Variants in DNAH8 observed in about 807,000 individuals in gnomAD.
DNAH8 encodes axonemal beta dynein heavy chain 8.
A neutral mutation model predicts 562.1 loss-of-function variants in DNAH8; 382 were observed. The ratio of observed to expected loss-of-function variants is 0.68; its 90% confidence interval spans 0.63 to 0.74. DNAH8 has a LOEUF of 0.74. Ranked by LOEUF, DNAH8 falls within the 30% of genes least tolerant of loss-of-function variation. The pLI is 0.00. For missense variants in DNAH8, 5,203 were observed against 5,620.4 expected, an observed-to-expected ratio of 0.93 and a Z score of 2.37; for synonymous variants, 1,881 against 1,919.4, an observed-to-expected ratio of 0.98 and a Z score of 0.52.
intron 62 of DNAH8, among the ~76,000 whole-genome samples, chr6:38,903,209 TA>T: frequency 6.6e-6 from 1 of 152,308 alleles, no homozygotes; most frequent in East Asian, 1.9e-4. Context: ...GTAATTTATT[TA>T]AAAACAGGTT....
At chr6:38,897,215 A>C (rs1228063800) in intron 60 of DNAH8, among the ~76,000 whole-genome samples, 1 of 152,192 alleles carries the variant, frequency 6.6e-6, no homozygotes, top group Non-Finnish European at 1.5e-5. Flanking sequence ...GCAAAAGAAT[A>C]ATATTGTGTG....
intron 5 of DNAH8, among the ~76,000 whole-genome samples, chr6:38,736,815 C>T (rs1347450083): frequency 6.6e-6 from 1 of 152,082 alleles, no homozygotes; most frequent in Non-Finnish European, 1.5e-5. Flanking sequence ...GGCTATTGTT[C>T]CTTTCCTATG....
chr6:38,747,486 A>G (rs752698553), intron 8 of DNAH8, among the ~76,000 whole-genome samples: 6 of 150,724 alleles, frequency 4.0e-5, no homozygotes, highest in Non-Finnish European at 8.8e-5. Context: ...TCCCAGGTTC[A>G]AGCAATTCTC....
intron 8 of DNAH8, among the ~76,000 whole-genome samples, chr6:38,746,014 C>T (rs1377328768): frequency 6.6e-6 from 1 of 152,146 alleles, no homozygotes; most frequent in African/African-American, 2.4e-5. Flanking sequence ...GGAAAATAAC[C>T]TTAAACTACA....
intron 44 of DNAH8, among the ~76,000 whole-genome samples, chr6:38,862,828 G>A (rs559681901): frequency 9.9e-5 from 15 of 152,164 alleles, no homozygotes; most frequent in African/African-American, 3.4e-4. Context: ...AAATAAGAAG[G>A]GGGTGGCCAT....
intron 56 of DNAH8, among the ~76,000 whole-genome samples, chr6:38,885,694 C>G (rs538763034): frequency 2.0e-5 from 3 of 152,156 alleles, no homozygotes; most frequent in Non-Finnish European, 4.4e-5. Context: ...TTGCAGTTTC[C>G]TCTGCCTAGA....
rs763358085 is a variant in DNAH8, at chr6:38,870,576, A to G, written c.6990+14A>G. 19 of 1,607,058 alleles carry G rather than the reference A, an allele frequency of 1.2e-5. No individual in the cohort carries two copies. In the East Asian group the frequency reaches 4.3e-4, roughly 36 times the overall value. ...AAACTCGTGCAGGTAAAGACATTTT[A>G]ATCTATTATTAGTATAATGATAAGT... is the stretch of plus-strand genomic sequence containing the variant. On this transcript the variant is annotated intron_variant, in intron 49 of 92. Coordinates refer to ENST00000327475, the MANE Select transcript of DNAH8 (RefSeq NM_001206927.2).
intron 79 of DNAH8, among the ~76,000 whole-genome samples, chr6:38,941,225 G>A (rs1783432497): frequency 6.6e-6 from 1 of 152,094 alleles, no homozygotes; most frequent in Non-Finnish European, 1.5e-5. Flanking sequence ...GCTAATCTAG[G>A]GAAAAAATGT....
intron 33 of DNAH8, among the ~76,000 whole-genome samples, chr6:38,838,456 T>C (rs1423392889): frequency 6.6e-6 from 1 of 151,282 alleles, no homozygotes; most frequent in South Asian, 2.1e-4. Flanking sequence ...TGGAGTGCAG[T>C]GGCGCAATCT....
At chr6:38,757,795 T>C (rs948720138) in intron 10 of DNAH8, among the ~76,000 whole-genome samples, 6 of 152,242 alleles carry the variant, frequency 3.9e-5, no homozygotes, top group Non-Finnish European at 7.3e-5. Flanking sequence ...TCCCCATTTC[T>C]TGTTTTTGTC....
At position 38,775,837 on chromosome 6, in the gene DNAH8, A is replaced by T; in HGVS notation, c.1848A>T (p.Lys616Asn). Residue 616 changes from lysine (K) to asparagine (N), a missense_variant, in exon 13 of 93, where the codon AAA becomes AAT. Coordinates refer to ENST00000327475, the MANE Select transcript of DNAH8 (RefSeq NM_001206927.2). ...TIEGIDIMAIKFRNIYQGVKK... is the reference protein window; with the variant it reads ...TIEGIDIMAINFRNIYQGVKK... Reference sequence around the variant, plus strand: ...AAGGAATAGATATTATGGCAATAAAATTCAGAAATATATACCAAGGGGTTA... The same window carrying T: ...AAGGAATAGATATTATGGCAATAAATTTCAGAAATATATACCAAGGGGTTA... The T allele has an allele frequency of 6.2e-7, 1 of 1,605,824 alleles. No individual in the cohort carries two copies. The highest frequency in any genetic ancestry group is 8.5e-7 in the Non-Finnish European group (1 of 1,172,700).
intron 40 of DNAH8, among the ~76,000 whole-genome samples, 193 bp downstream of exon 40, chr6:38,852,991 G>A (rs1267239233): frequency 1.3e-5 from 2 of 152,130 alleles, no homozygotes; most frequent in Non-Finnish European, 2.9e-5. Context: ...TGAAGTGAAA[G>A]TTTTGGACTA....
At chr6:38,780,907 A>G (rs1451043107) in intron 15 of DNAH8, among the ~76,000 whole-genome samples, 1 of 152,210 alleles carries the variant, frequency 6.6e-6, no homozygotes. Context: ...AAGCCCGTTT[A>G]AGTTAGTATT....
At chr6:38,999,840 A>G (rs1429566604) in intron 88 of DNAH8, among the ~76,000 whole-genome samples, 1 of 151,482 alleles carries the variant, frequency 6.6e-6, no homozygotes, top group African/African-American at 2.4e-5. Flanking sequence ...ATATTATATA[A>G]TAGATATATA....
Position 38,786,805 on chromosome 6 carries a change from G to A in DNAH8, c.2436G>A (p.Gly812=). The A allele has an allele frequency of 6.2e-7, 1 of 1,612,514 alleles. No individual in the cohort carries two copies. Among genetic ancestry groups the A allele is most frequent in the South Asian group, 1.1e-5 (1 of 90,612 alleles). ...TTTTTGTGCGACATCCAGAAACAGG[G>A]AAGTTGCTGGTTAATTTCGATCCCA... ...ATLFVRHPET[G]KLLVNFDPKI... The change falls in exon 18 of 93, where the codon GGG becomes GGA. Residue 812 remains glycine (G), a synonymous_variant. Transcript: ENST00000327475.
chr6:38,823,738 T>C, intron 28 of DNAH8, 50 bp downstream of exon 28: 2 of 1,362,430 alleles, frequency 1.5e-6, no homozygotes. Flanking sequence ...TCACATGAAG[T>C]GTTACTTTAT....
Position 38,862,418 on chromosome 6 carries a change from A to C in DNAH8, c.6270A>C (p.Ser2090=). 1 of 1,613,988 alleles carries C rather than the reference A, an allele frequency of 6.2e-7. No individual in the cohort carries two copies. ...AATATGTGGTCGTGTTCAATTGCTC[A>C]GATCAAATGGATTTCAGAGGCCTAG... is the stretch of plus-strand genomic sequence containing the variant. ...LGKYVVVFNC[S]DQMDFRGLGR... is the part of the protein sequence containing the mutation. Residue 2090 remains serine (S), a synonymous_variant, in exon 44 of 93, where the codon TCA becomes TCC. Coordinates refer to ENST00000327475, the MANE Select transcript of DNAH8 (RefSeq NM_001206927.2).
Position 38,815,620 on chromosome 6 carries a change from C to T in DNAH8, c.3486C>T (p.Thr1162=). Residue 1162 remains threonine (T), a synonymous_variant, in exon 26 of 93, where the codon ACC becomes ACT. Transcript: ENST00000327475. ...VIPSPTTTDV[T]HQNTGKLLKK... ...CCAGCCCCACCACTACTGACGTGAC[C>T]CATCAAAACACAGGAAAACTGCTGA... 1.2e-6 allele frequency: 2 copies of T among 1,613,050 alleles called. No homozygotes were observed. The highest frequency in any genetic ancestry group is 8.5e-7 in the Non-Finnish European group (1 of 1,179,418).
In DNAH8 at chr6:38,931,945, A is replaced by G. The variant is rs770130560; in HGVS notation, c.11409A>G (p.Lys3803=). The G allele has an allele frequency of 5.0e-6, 8 of 1,609,688 alleles. No individual in the cohort carries two copies. The South Asian group carries it at 8.9e-5, about 18-fold the overall frequency. The change falls in exon 76 of 93, where the codon AAA becomes AAG. Residue 3803 remains lysine (K), a synonymous_variant. Coordinates refer to ENST00000327475, the MANE Select transcript of DNAH8 (RefSeq NM_001206927.2). ...TSVIDFTVTM[K]GLENQLLRRV... ...TCATTGATTTCACTGTTACAATGAA[A>G]GGACTTGAGAATCAGTTACTAAGGA...
Sources: gnomAD v4.1 joint callset for allele counts (sites outside exome capture counted in the v4.1 genomes callset) on GRCh38, gnomAD v4.1.1 for gene constraint, MANE v1.5 for transcripts, NCBI Gene and HGNC (gene_info 2026-07-23, HGNC 2026-07-21) for gene names.